The following ZDHHC15 variants were observed in gnomAD, a reference collection of about 807,000 sequenced individuals.
The protein encoded by ZDHHC15 is palmitoyltransferase ZDHHC15.
In ZDHHC15, 19 loss-of-function variants were observed where a neutral mutation model predicts 31.7. That is an observed-to-expected ratio of 0.60 (90% CI 0.42 to 0.88). ZDHHC15 has a LOEUF of 0.88. Ranked by LOEUF, ZDHHC15 falls within the 40% of genes least tolerant of loss-of-function variation. ZDHHC15 has a pLI of 0.00. For synonymous variants in ZDHHC15, 103 were observed against 90.0 expected (o/e 1.14, Z -0.82); for missense variants, 209 against 251.2 (o/e 0.83, Z 1.14).
At chrX:75,481,040 G>T (rs1156461268) in intron 2 of ZDHHC15, among the ~76,000 whole-genome samples, 1 of 111,466 alleles carries the variant, frequency 9.0e-6, no homozygotes, top group Non-Finnish European at 1.9e-5. Flanking sequence ...CCCCCTGGGA[G>T]TGTCTCTAGG....
At chrX:75,460,214 C>T (rs1315864297) in intron 3 of ZDHHC15, among the ~76,000 whole-genome samples, 1 of 111,675 alleles carries the variant, frequency 9.0e-6, no homozygotes, top group Non-Finnish European at 1.9e-5. Flanking sequence ...CATTTCTCCT[C>T]ACTGGGCAGG....
chrX:75,376,310 T>C (rs957435640), intron 11 of ZDHHC15, among the ~76,000 whole-genome samples: 26 of 108,840 alleles, frequency 2.4e-4, no homozygotes, highest in Non-Finnish European at 4.2e-4. Flanking sequence ...TATTAAACTT[T>C]TGTCAGATGC....
chrX:75,429,697 C>A lies in ZDHHC15; in HGVS notation c.482+251G>T, dbSNP rs753533207. ...GAAATGTTTGTGCTGTATTTCATTA[C>A]TATGCTCAATTGCTAAAGTTAATGA... On this transcript the variant is annotated intron_variant, in intron 6 of 11. Coordinates refer to ENST00000373367, the MANE Select transcript of ZDHHC15 (RefSeq NM_144969.3). Among the ~76,000 whole-genome samples the A allele has an allele frequency of 3.6e-5, 4 of 111,906 alleles. No homozygotes were observed. In the South Asian group the frequency reaches 1.5e-3, roughly 42 times the overall value.
chrX:75,405,314 C>A (rs767587697), intron 10 of ZDHHC15, among the ~76,000 whole-genome samples: 1 of 111,088 alleles, frequency 9.0e-6, no homozygotes, highest in African/African-American at 3.3e-5. Flanking sequence ...ATAATACATA[C>A]AACAAATCCC....
intron 1 of ZDHHC15, among the ~76,000 whole-genome samples, chrX:75,516,183 C>T (rs2085353197): frequency 9.0e-6 from 1 of 111,654 alleles, no homozygotes; most frequent in South Asian, 3.8e-4. Context: ...AGATTCAATG[C>T]CATCCCCATC....
rs191236021 is a variant in ZDHHC15, at chrX:75,386,444, C to T, written c.968-7246G>A. Among the ~76,000 whole-genome samples, 192 of 111,886 alleles carry T rather than the reference C, an allele frequency of 1.7e-3. 4 individuals are homozygous for T. Among genetic ancestry groups the T allele is most frequent in the Admixed American group, 0.017 (181 of 10,571 alleles). On this transcript the variant is annotated intron_variant, in intron 10 of 11. Coordinates refer to ENST00000373367, the MANE Select transcript of ZDHHC15 (RefSeq NM_144969.3). ...TATCACATTAGCTCAAGGGAAAAGC[C>T]GCTGTTTAGTTCAGAAAAGTTCAGT...
intron 10 of ZDHHC15, among the ~76,000 whole-genome samples, chrX:75,398,592 C>T (rs1331693893): frequency 9.0e-6 from 1 of 111,353 alleles, no homozygotes; most frequent in Non-Finnish European, 1.9e-5. Flanking sequence ...GCTGCTTTAA[C>T]AAAACATGGC....
chrX:75,520,264 T>C (rs999700679), intron 1 of ZDHHC15, among the ~76,000 whole-genome samples: 1 of 112,035 alleles, frequency 8.9e-6, no homozygotes, highest in Admixed American at 9.5e-5. Context: ...CTTCCTTTCA[T>C]CTGTTAATAT....
intron 4 of ZDHHC15, among the ~76,000 whole-genome samples, chrX:75,449,623 G>C (rs1217910933): frequency 8.9e-6 from 1 of 111,892 alleles, no homozygotes; most frequent in East Asian, 2.8e-4. Flanking sequence ...AAAATTAACA[G>C]CAAGTCCTTA....
rs1006917961 is a variant in ZDHHC15 at position 75,508,132 on chromosome X, T to C, written c.137-2285A>G. Among the ~76,000 whole-genome samples the C allele has an allele frequency of 2.7e-5, 3 of 111,195 alleles. No individual in the cohort carries two copies. The East Asian group carries it at 8.5e-4, about 32-fold the overall frequency. On this transcript the variant is annotated intron_variant, in intron 1 of 11. Transcript: ENST00000373367. The stretch of plus-strand genomic sequence containing the variant: ...AATATATTTTACCAATATATCAAAA[T>C]ATTTTCATTTGAACATGTTTTTTTA...
intron 3 of ZDHHC15, among the ~76,000 whole-genome samples, chrX:75,455,229 C>G (rs925992624): frequency 9.0e-6 from 1 of 111,482 alleles, no homozygotes; most frequent in Non-Finnish European, 1.9e-5. Context: ...GTATAACCAT[C>G]TGATCTTTGA....
intron 11 of ZDHHC15, among the ~76,000 whole-genome samples, chrX:75,378,334 C>T (rs2083080273): frequency 8.9e-6 from 1 of 111,961 alleles, no homozygotes; most frequent in Non-Finnish European, 1.9e-5. Context: ...ATATCAAGTA[C>T]ACACCAAAGT....
At chrX:75,420,724 T>C (rs746578119) in intron 9 of ZDHHC15, among the ~76,000 whole-genome samples, 2 of 110,955 alleles carry the variant, frequency 1.8e-5, no homozygotes, top group Non-Finnish European at 3.8e-5. Context: ...AAACACCGCA[T>C]GTTCTCACTC....
chrX:75,428,628 T>C (rs1217951672), intron 7 of ZDHHC15, among the ~76,000 whole-genome samples: 1 of 111,859 alleles, frequency 8.9e-6, no homozygotes, highest in Non-Finnish European at 1.9e-5. Context: ...TTCTGTCTCA[T>C]AGGAATTCTG....
At chrX:75,443,932 C>T (rs2083985960) in intron 4 of ZDHHC15, among the ~76,000 whole-genome samples, 1 of 110,916 alleles carries the variant, frequency 9.0e-6, no homozygotes, top group Admixed American at 9.6e-5. Context: ...CATCTCACAC[C>T]AGTTAGAATG....
chrX:75,493,635 A>C (rs1408203158), intron 2 of ZDHHC15, among the ~76,000 whole-genome samples: 1 of 112,177 alleles, frequency 8.9e-6, no homozygotes, highest in Admixed American at 9.5e-5. Flanking sequence ...AACATACGCA[A>C]ATCAATAAAC....
At chrX:75,510,719 C>A (rs1350842580) in intron 1 of ZDHHC15, among the ~76,000 whole-genome samples, 1 of 78,026 alleles carries the variant, frequency 1.3e-5, no homozygotes, top group African/African-American at 4.7e-5. Context: ...AATGCTATCC[C>A]TCCCCCATCC....
Position 75,422,005 on chromosome X carries a change from G to A in ZDHHC15, c.737-15C>T, listed in dbSNP as rs1287980552. On this transcript the variant is annotated splice_polypyrimidine_tract_variant and intron_variant, in intron 8 of 11. Transcript: ENST00000373367. ...GCAGAAGGCCTCTAAGGCAGGGCAG[G>A]AGAGTTGAAGAAAAGAGGAAGAAAG... is the stretch of plus-strand genomic sequence containing the variant. The A allele has an allele frequency of 5.0e-6, 6 of 1,189,016 alleles. No individual in the cohort carries two copies. In the East Asian group the frequency reaches 9.0e-5, roughly 18 times the overall value.
At chrX:75,508,148 TG>T (rs995839638) in intron 1 of ZDHHC15, among the ~76,000 whole-genome samples, 16 of 111,002 alleles carry the variant, frequency 1.4e-4, no homozygotes, top group African/African-American at 5.2e-4. Context: ...CATTTGAACA[TG>T]TTTTTTTAAA....
Sources: gnomAD v4.1 joint callset for allele counts (sites outside exome capture counted in the v4.1 genomes callset) on GRCh38, gnomAD v4.1.1 for gene constraint, MANE v1.5 for transcripts, NCBI Gene and HGNC (gene_info 2026-07-23, HGNC 2026-07-21) for gene names.